Variants in FARP2 observed in about 807,000 individuals in gnomAD.
FARP2 encodes the protein FERM, ARHGEF and pleckstrin domain-containing protein 2.
Under a neutral mutation model 130.5 loss-of-function variants are expected in FARP2, and 111 were observed. The ratio of observed to expected loss-of-function variants is 0.85; its 90% CI spans 0.73 to 1.00. The LOEUF (loss-of-function observed/expected upper bound fraction) is 1.00. Among genes scored for constraint, FARP2 ranks in the 50% least tolerant of loss-of-function variants. FARP2 has a pLI of 0.00. For synonymous variants in FARP2, 504 were observed against 516.9 expected (o/e 0.98, Z 0.34); for missense variants, 1,385 against 1,346.3 (o/e 1.03, Z -0.45).
In FARP2 at chr2:241,434,918, C is replaced by T. The variant is rs112645381; in HGVS notation, c.1032-44C>T. The T allele has an allele frequency of 2.6e-6, 3 of 1,144,256 alleles. No homozygotes were observed. The African/African-American group carries it at 4.6e-5, about 18-fold the overall frequency. 70.9% of individuals were successfully genotyped at this position (1,144,256 alleles called of 1,614,324 possible). On this transcript the variant is annotated intron_variant, in intron 10 of 26. Transcript: ENST00000264042. ...TGTCTTTTACTCTGAAAAATTAATGCTGACTTACTGTTCTTTATTAAAAAT... is the reference window on the plus strand; with the variant it reads ...TGTCTTTTACTCTGAAAAATTAATGTTGACTTACTGTTCTTTATTAAAAAT...
chr2:241,467,755 G>A (rs1223201594), intron 17 of FARP2, among the ~76,000 whole-genome samples: 3 of 152,190 alleles, frequency 2.0e-5, no homozygotes, highest in Admixed American at 6.5e-5. Context: ...CTAAGACTGG[G>A]CAGGACTCGG....
Position 241,414,086 on chromosome 2 carries a change from C to T in FARP2, c.623+665C>T, listed in dbSNP as rs536436743. On this transcript the variant is annotated intron_variant, in intron 7 of 26. Coordinates refer to ENST00000264042, the MANE Select transcript of FARP2 (RefSeq NM_014808.4). ...GAAAGAGTCCTCTACGGGGAAGACA[C>T]TGTGCTGTGGTAGAGGAGGAGGGGA... is the stretch of plus-strand genomic sequence containing the variant. 2.6e-5 allele frequency among the ~76,000 whole-genome samples: 4 copies of T among 152,110 alleles called. No homozygotes were observed. The East Asian group carries it at 5.8e-4, about 22-fold the overall frequency.
chr2:241,371,213 G>T (rs984319390), intron 1 of FARP2, among the ~76,000 whole-genome samples: 8 of 152,152 alleles, frequency 5.3e-5, no homozygotes, highest in Admixed American at 4.6e-4. Context: ...TTCTAGGTGT[G>T]GTGGCTCGCC....
chr2:241,380,867 G>A (rs1225495756), intron 2 of FARP2, among the ~76,000 whole-genome samples: 2 of 151,968 alleles, frequency 1.3e-5, no homozygotes, highest in East Asian at 1.9e-4. Context: ...AGGAGGAGTG[G>A]GTGGGTAGTG....
intron 5 of FARP2, among the ~76,000 whole-genome samples, chr2:241,409,448 C>G (rs2062457270): frequency 1.3e-5 from 2 of 152,070 alleles, no homozygotes; most frequent in South Asian, 4.1e-4. Context: ...ACTCTGGAGG[C>G]TGAGGCAGGA....
At chr2:241,473,858 C>A (rs4675949) in intron 18 of FARP2, among the ~76,000 whole-genome samples, 3,987 of 152,290 alleles carry the variant, frequency 0.026, 401 homozygotes, top group Admixed American at 0.18. Context: ...CACTGAAGTT[C>A]TTCCTCATTT....
intron 2 of FARP2, among the ~76,000 whole-genome samples, chr2:241,403,608 G>A (rs2062249960): frequency 1.3e-5 from 2 of 152,078 alleles, no homozygotes; most frequent in African/African-American, 2.4e-5. Context: ...CACACTAAAT[G>A]TAAAATGGAA....
rs112407832 is a variant in FARP2, at chr2:241,381,259, C to T, written c.183+7969C>T. Among the ~76,000 whole-genome samples the T allele has an allele frequency of 5.9e-5, 9 of 152,192 alleles. 1 individual carries two copies. Among genetic ancestry groups the T allele is most frequent in the African/African-American group, 2.2e-4 (9 of 41,510 alleles). On this transcript the variant is annotated intron_variant, in intron 2 of 26. Coordinates refer to ENST00000264042, the MANE Select transcript of FARP2 (RefSeq NM_014808.4). ...CCGCCAGCCACTTTGTCCTGGGGTG[C>T]CACTCCCCTCTAGTGCCCAAAACCT...
At chr2:241,383,107 C>G (rs2061700147) in intron 2 of FARP2, among the ~76,000 whole-genome samples, 1 of 152,230 alleles carries the variant, frequency 6.6e-6, no homozygotes, top group African/African-American at 2.4e-5. Context: ...CTCACCCCAA[C>G]AGCCTTAGGC....
chr2:241,451,888 A>G (rs981485838), intron 13 of FARP2, among the ~76,000 whole-genome samples: 20 of 151,880 alleles, frequency 1.3e-4, no homozygotes, highest in African/African-American at 4.8e-4. Flanking sequence ...CCGAGTAGCT[A>G]GAATTACAGG....
chr2:241,459,485 C>T lies in FARP2; in HGVS notation c.1587+2563C>T, dbSNP rs1163318597. 6.6e-6 allele frequency among the ~76,000 whole-genome samples: 1 copy of T among 152,196 alleles called. No individual in the cohort carries two copies. The highest frequency in any genetic ancestry group is 2.4e-5 in the African/African-American group (1 of 41,464). The stretch of plus-strand genomic sequence containing the variant: ...CACCCTCGCCAGCTGGTGCCCTCCT[C>T]CCCAGTGTCTCCCACTTGATGCACT... On this transcript the variant is annotated intron_variant, in intron 14 of 26. Transcript: ENST00000264042. This position sits in a 1 kb window ranked among gnomAD's most constrained non-coding sequence, Gnocchi z 5.3.
rs1014332368 is a variant in FARP2, at chr2:241,406,894, G to A, written c.332-643G>A. Among the ~76,000 whole-genome samples, 6 of 152,094 alleles carry A rather than the reference G, an allele frequency of 3.9e-5. No homozygotes were observed. The East Asian group carries it at 7.7e-4, about 20-fold the overall frequency. ...ACGATCGCGGCTCACTGCAATCCCCGCCTCCCGGGTTCACGCCATTGTCCT... is the reference window on the plus strand; with the variant it reads ...ACGATCGCGGCTCACTGCAATCCCCACCTCCCGGGTTCACGCCATTGTCCT... On this transcript the variant is annotated intron_variant, in intron 4 of 26. Transcript: ENST00000264042.
intron 2 of FARP2, among the ~76,000 whole-genome samples, chr2:241,400,846 T>G (rs1038801356): frequency 1.3e-5 from 2 of 152,154 alleles, no homozygotes; most frequent in African/African-American, 2.4e-5. Flanking sequence ...GGGCCCACAG[T>G]GAGTTAGTGC....
intron 17 of FARP2, chr2:241,465,620 T>G: frequency 5.2e-6 from 8 of 1,550,730 alleles, no homozygotes; most frequent in Non-Finnish European, 7.0e-6. Context: ...CATTGACTGT[T>G]CAGGGGTCTC....
chr2:241,487,008 G>A (rs1328828332), intron 21 of FARP2, among the ~76,000 whole-genome samples: 2 of 103,804 alleles, frequency 1.9e-5, no homozygotes, highest in Non-Finnish European at 4.7e-5. Context: ...CCTGGCCCCT[G>A]TGTCCTGGCA....
chr2:241,491,095 C>T lies in FARP2; in HGVS notation c.2539C>T (p.Leu847=), dbSNP rs779241402. The T allele has an allele frequency of 2.5e-6, 4 of 1,613,526 alleles. No homozygotes were observed. Among genetic ancestry groups the T allele is most frequent in the Non-Finnish European group, 8.5e-7 (1 of 1,179,976 alleles). The stretch of plus-strand genomic sequence containing the variant: ...GGAGAAAGAGAAGTGGATGCTGGAC[C>T]TGAACTCCGCGATCCAAGCAGCCAA... ...RLEKEKWMLD[L]NSAIQAAKSG... is the part of the protein sequence containing the mutation. Residue 847 remains leucine (L), a synonymous_variant, in exon 23 of 27, where the codon CTG becomes TTG. Transcript: ENST00000264042.
rs547156040 is a variant in FARP2 at position 241,493,381 on chromosome 2, T to C, written c.2984T>C (p.Phe995Ser). 11 of 1,614,000 alleles carry C rather than the reference T, an allele frequency of 6.8e-6. No homozygotes were observed. The highest frequency in any genetic ancestry group is 1.6e-4 in the Middle Eastern group (1 of 6,062). ...EADGIHKDYV[F>S]KLQFKSHVYF... ...GATGGCATACACAAAGACTATGTTT[T>C]CAAGCTCCAGTTCAAATCCCACGTC... Residue 995 changes from phenylalanine (F) to serine (S), a missense_variant, in exon 26 of 27, where the codon TTC becomes TCC. By Grantham distance (155) the Phe-to-Ser change is radical. Transcript: ENST00000264042.
At chr2:241,454,539 C>G (rs909612992) in intron 13 of FARP2, among the ~76,000 whole-genome samples, 1 of 152,170 alleles carries the variant, frequency 6.6e-6, no homozygotes, top group African/African-American at 2.4e-5. Flanking sequence ...CCCCAAACAG[C>G]GCATCTTCGG....
At chr2:241,398,854 C>T (rs2062093389) in intron 2 of FARP2, among the ~76,000 whole-genome samples, 1 of 152,204 alleles carries the variant, frequency 6.6e-6, no homozygotes, top group African/African-American at 2.4e-5. Flanking sequence ...CAGGCGTGAG[C>T]CACCGCATCC....
Sources: gnomAD v4.1 joint callset for allele counts (sites outside exome capture counted in the v4.1 genomes callset) on GRCh38, gnomAD v4.1.1 for gene constraint, Gnocchi (gnomAD v3.1) non-coding constraint, MANE v1.5 for transcripts, NCBI Gene and HGNC (gene_info 2026-07-23, HGNC 2026-07-21) for gene names.